The following CD109 variants were observed in gnomAD, a reference collection of about 807,000 sequenced individuals.
CD109 encodes the protein CD109 molecule.
Under a neutral mutation model 165.8 loss-of-function variants are expected in CD109, and 149 were observed. That is an observed-to-expected ratio of 0.90 (90% CI 0.79 to 1.03). CD109 has a LOEUF of 1.03. Ranked by LOEUF, CD109 falls within the 50% of genes least tolerant of loss-of-function variation. The pLI is 0.00. For synonymous variants in CD109, 585 were observed against 592.1 expected (o/e 0.99, Z 0.18); for missense variants, 1,712 against 1,677.8 (o/e 1.02, Z -0.36).
rs185005669 is a variant in CD109 at position 73,759,713 on chromosome 6, T to C, written c.758+685T>C. 2.6e-5 allele frequency among the ~76,000 whole-genome samples: 4 copies of C among 152,328 alleles called. No individual in the cohort carries two copies. In the East Asian group the frequency reaches 7.7e-4, roughly 29 times the overall value. ...AAGATCCTTTTACTACCATGTGATATAACTCTGTTAAAATACAATATCCTG... is the reference window on the plus strand; with the variant it reads ...AAGATCCTTTTACTACCATGTGATACAACTCTGTTAAAATACAATATCCTG... On this transcript the variant is annotated intron_variant, in intron 7 of 32. Transcript: ENST00000287097.
intron 2 of CD109, among the ~76,000 whole-genome samples, chr6:73,712,169 A>T (rs1771563191): frequency 1.3e-5 from 2 of 151,952 alleles, no homozygotes; most frequent in Admixed American, 1.3e-4. Context: ...AGATCATGCC[A>T]CTGCACTCCA....
In CD109 at chr6:73,762,409, G is replaced by A. The variant is rs1342060730; in HGVS notation, c.784G>A (p.Gly262Arg). 1.6e-5 allele frequency: 26 copies of A among 1,610,214 alleles called. 1 individual carries two copies. In the East Asian group the frequency reaches 2.0e-4, roughly 12 times the overall value. Residue 262 changes from glycine (G) to arginine (R), a missense_variant, in exon 8 of 33, where the codon GGA (glycine) becomes AGA (arginine). Transcript: ENST00000287097. ...AKYTYGKPVK[G>R]DVTLTFLPLS... is the part of the protein sequence containing the mutation. ...GTATACATATGGGAAGCCAGTGAAA[G>A]GAGACGTAACGCTTACATTTTTACC... is the stretch of plus-strand genomic sequence containing the variant.
chr6:73,738,504 C>G (rs529890694), intron 5 of CD109, among the ~76,000 whole-genome samples: 218 of 152,176 alleles, frequency 1.4e-3, no homozygotes, highest in African/African-American at 5.0e-3. Flanking sequence ...GAATGGTGGA[C>G]AGAATAAGTA....
chr6:73,709,466 A>T (rs1771439630), intron 2 of CD109, among the ~76,000 whole-genome samples: 1 of 152,132 alleles, frequency 6.6e-6, no homozygotes, highest in South Asian at 2.1e-4. Flanking sequence ...TTGGCTTAGG[A>T]TTGACTTGGC....
At chr6:73,741,890 C>T (rs1295139705) in intron 5 of CD109, among the ~76,000 whole-genome samples, 3 of 152,082 alleles carry the variant, frequency 2.0e-5, no homozygotes, top group Admixed American at 6.5e-5. Flanking sequence ...AGGCTGGGCT[C>T]GAACTCCTGA....
chr6:73,708,368 T>A (rs1030576831), intron 2 of CD109, among the ~76,000 whole-genome samples: 1 of 152,220 alleles, frequency 6.6e-6, no homozygotes, highest in Admixed American at 6.5e-5. Context: ...ATGGTGTATA[T>A]GTGCCACAAT....
intron 23 of CD109, among the ~76,000 whole-genome samples, chr6:73,795,385 C>T (rs1042754260): frequency 4.6e-5 from 7 of 152,000 alleles, no homozygotes; most frequent in Non-Finnish European, 8.8e-5. Flanking sequence ...AGTGTGTGTC[C>T]TAGATACTTT....
chr6:73,695,892 A>C, upstream of CD109: 5 of 364,740 alleles, frequency 1.4e-5, no homozygotes, highest in East Asian at 8.4e-5. Flanking sequence ...GGGCCGGGGA[A>C]GTGGGCGCGC....
rs1313740002 is a variant in CD109, at chr6:73,807,008, A to G, written c.3125A>G (p.Asn1042Ser). 1.2e-6 allele frequency: 2 copies of G among 1,613,944 alleles called. No individual in the cohort carries two copies. The highest frequency in any genetic ancestry group is 1.7e-6 in the Non-Finnish European group (2 of 1,179,990). ...RVIHSELQGG[N>S]KSPVTLTAYI... ...ATTCATAGTGAGCTTCAAGGTGGCA[A>G]TAAAAGTCCAGTAACACTTACAGCC... The change falls in exon 25 of 33, where the codon AAT becomes AGT. Residue 1042 changes from asparagine to serine, a missense_variant. Transcript: ENST00000287097.
At position 73,791,162 on chromosome 6, in the gene CD109, T is replaced by TATACACACATACAC. The variant is rs1774931751; in HGVS notation, c.2702-1461_2702-1460insCACACATACACATA. ...ATATATATATATATATATATATATA[T>TATACACACATACAC]ATATATATATATATACACACACACA... is the stretch of plus-strand genomic sequence containing the variant. On this transcript the variant is annotated intron_variant, in intron 22 of 32. Coordinates refer to ENST00000287097, the MANE Select transcript of CD109 (RefSeq NM_133493.5). Among the ~76,000 whole-genome samples, 117 of 36,288 alleles carry TATACACACATACAC rather than the reference T, an allele frequency of 3.2e-3. 1 individual carries two copies. The highest frequency in any genetic ancestry group is 0.013 in the Middle Eastern group (1 of 76). The allele number at this position is 36,288 out of a possible 152,430, so 23.8% of individuals were successfully genotyped here.
chr6:73,811,158 G>A lies in CD109; in HGVS notation c.3702+11G>A. 1.2e-6 allele frequency: 2 copies of A among 1,607,708 alleles called. 1 individual carries two copies. Among genetic ancestry groups the A allele is most frequent in the Middle Eastern group, 3.3e-4 (2 of 5,996 alleles). The stretch of plus-strand genomic sequence containing the variant: ...CTTCAGACAGCAGAGGTGTGGGCAA[G>A]GGGCAGTTATTTAAAAATCAGTGTA... On this transcript the variant is annotated intron_variant, in intron 28 of 32. Coordinates refer to ENST00000287097, the MANE Select transcript of CD109 (RefSeq NM_133493.5).
At chr6:73,720,973 A>T (rs1419892415) in intron 2 of CD109, among the ~76,000 whole-genome samples, 1 of 152,216 alleles carries the variant, frequency 6.6e-6, no homozygotes, top group African/African-American at 2.4e-5. Flanking sequence ...CTCCTTGCTC[A>T]TATGGCTAAT....
intron 10 of CD109, among the ~76,000 whole-genome samples, 170 bp downstream of exon 10, chr6:73,763,855 T>C (rs1168930452): frequency 6.6e-6 from 1 of 152,216 alleles, no homozygotes; most frequent in East Asian, 1.9e-4. Flanking sequence ...CCTTTGTCTA[T>C]TTTTTCTAAA....
At chr6:73,707,914 TTTCTC>T (rs1310377657) in intron 2 of CD109, among the ~76,000 whole-genome samples, 1 of 147,966 alleles carries the variant, frequency 6.8e-6, no homozygotes, top group African/African-American at 2.5e-5. Flanking sequence ...TAGTTATTAT[TTTCTC>T]TTTTATTATG....
Position 73,787,306 on chromosome 6 carries a change from C to T in CD109, c.2410C>T (p.His804Tyr). Reference sequence around the variant, plus strand: ...TTCAAATGAAATAAATGCCACAGGCCACCAGCAGACCCTTCTGGTTCCCAG... The same window carrying T: ...TTCAAATGAAATAAATGCCACAGGCTACCAGCAGACCCTTCTGGTTCCCAG... Reference protein sequence around the residue: ...MTSNEINATGHQQTLLVPSED... With the variant: ...MTSNEINATGYQQTLLVPSED... The change falls in exon 21 of 33, where the codon CAC becomes TAC. Residue 804 changes from histidine (H) to tyrosine (Y), a missense_variant. Physicochemically the swap from His to Tyr is moderately conservative, Grantham distance 83. Coordinates refer to ENST00000287097, the MANE Select transcript of CD109 (RefSeq NM_133493.5). The T allele has an allele frequency of 1.2e-6, 2 of 1,613,794 alleles. No individual in the cohort carries two copies. Among genetic ancestry groups the T allele is most frequent in the East Asian group, 4.5e-5 (2 of 44,880 alleles).
At chr6:73,759,761 T>TA (rs1167510097) in intron 7 of CD109, among the ~76,000 whole-genome samples, 1 of 152,236 alleles carries the variant, frequency 6.6e-6, no homozygotes, top group African/African-American at 2.4e-5. Context: ...TGCTTTTATT[T>TA]AATCTTTAGC....
chr6:73,780,458 A>G lies in CD109; in HGVS notation c.1862A>G (p.Tyr621Cys). Residue 621 changes from tyrosine to cysteine, a missense_variant, in exon 16 of 33, where the codon TAT becomes TGT. Transcript: ENST00000287097. ...VHELELYNTG[Y>C]YLGMFMNSFA... is the part of the protein sequence containing the mutation. ...GAGTTGGAACTTTATAACACAGGAT[A>G]TTATTTAGGCATGTTCATGAATTCT... The G allele has an allele frequency of 6.2e-7, 1 of 1,608,682 alleles. No homozygotes were observed. Among genetic ancestry groups the G allele is most frequent in the South Asian group, 1.1e-5 (1 of 90,776 alleles).
chr6:73,730,633 G>C, intron 4 of CD109, 59 bp downstream of exon 4: 1 of 1,104,782 alleles, frequency 9.1e-7, no homozygotes. Flanking sequence ...ACCCCTCTGG[G>C]AAGTTCTGCT....
At chr6:73,722,766 C>T (rs1772006425) in intron 2 of CD109, among the ~76,000 whole-genome samples, 1 of 152,140 alleles carries the variant, frequency 6.6e-6, no homozygotes, top group African/African-American at 2.4e-5. Flanking sequence ...TGTATAGAAA[C>T]TTTACACGAA....
Sources: allele counts gnomAD v4.1 joint callset (sites outside exome capture counted in the v4.1 genomes callset), GRCh38; gene constraint gnomAD v4.1.1; transcripts MANE v1.5; gene names NCBI Gene and HGNC (gene_info 2026-07-23, HGNC 2026-07-21).